Variants in RPP30 observed in about 807,000 individuals in gnomAD.
RPP30 encodes the protein ribonuclease P/MRP subunit p30.
A neutral mutation model predicts 38.6 loss-of-function variants in RPP30; 36 were observed. The ratio of observed to expected loss-of-function variants is 0.93; its 90% CI spans 0.71 to 1.23. RPP30 has a LOEUF of 1.23. Ranked by LOEUF, RPP30 falls within the 50% of genes most tolerant of loss-of-function variation. The probability of loss-of-function intolerance (pLI) is 0.00; values close to 1 mark genes in which losing one functional copy is unlikely to be tolerated. For synonymous variants in RPP30, 126 were observed against 112.7 expected (o/e 1.12, Z -0.75); for missense variants, 321 against 321.7 (o/e 1.00, Z 0.02).
Position 90,900,845 on chromosome 10 carries a change from C to T in RPP30, c.*166C>T, listed in dbSNP as rs1031127593. ...AATCCATTAAAACAACAAACGAAAC[C>T]TAGTGAAGCATCTTTTTAAAAGGCT... On this transcript the variant is annotated 3_prime_UTR_variant, in exon 11 of 11. Coordinates refer to ENST00000371703, the MANE Select transcript of RPP30 (RefSeq NM_006413.5). 13 of 1,303,654 alleles carry T rather than the reference C, an allele frequency of 1.0e-5. No individual in the cohort carries two copies. Among genetic ancestry groups the T allele is most frequent in the Non-Finnish European group, 1.3e-5 (13 of 1,027,946 alleles). 80.8% of individuals were successfully genotyped at this position (1,303,654 alleles called of 1,614,324 possible).
intron 7 of RPP30, 52 bp from the exon 8 acceptor site, chr10:90,895,402 T>C (rs1847128421): frequency 9.5e-7 from 1 of 1,048,948 alleles, no homozygotes; most frequent in Admixed American, 2.7e-5. Flanking sequence ...ATTATGAAAC[T>C]CCTTTTTTTA....
rs761833727 is a variant in RPP30 at position 90,876,008 on chromosome 10, T to C, written c.196-16T>C. On this transcript the variant is annotated splice_polypyrimidine_tract_variant and intron_variant, in intron 3 of 10. Coordinates refer to ENST00000371703, the MANE Select transcript of RPP30 (RefSeq NM_006413.5). Reference sequence around the variant, plus strand: ...TGTCTTTTGTGCTTTTTTGACATCATGTCTTTTTTAAATAGGGAAAATCAA... The same window carrying C: ...TGTCTTTTGTGCTTTTTTGACATCACGTCTTTTTTAAATAGGGAAAATCAA... The C allele has an allele frequency of 3.7e-6, 5 of 1,365,604 alleles. No individual in the cohort carries two copies. Among genetic ancestry groups the C allele is most frequent in the Non-Finnish European group, 5.2e-6 (5 of 956,074 alleles). The allele number at this position is 1,365,604 out of a possible 1,614,324, so 84.6% of individuals were successfully genotyped here.
At chr10:90,874,838 T>G (rs1002660025) in intron 1 of RPP30, 31 bp from the exon 2 acceptor site, 2 of 1,528,126 alleles carry the variant, frequency 1.3e-6, no homozygotes, top group African/African-American at 2.7e-5. Context: ...GTTGTTATAT[T>G]TAACAAAAGT....
chr10:90,895,960 G>T, intron 9 of RPP30, 43 bp downstream of exon 9: 1 of 1,497,360 alleles, frequency 6.7e-7, no homozygotes, highest in Non-Finnish European at 9.2e-7. Flanking sequence ...TGTCTTTCAG[G>T]AAATTTTGAA....
chr10:90,885,405 A>T (rs1476245107), intron 5 of RPP30, among the ~76,000 whole-genome samples: 1 of 152,230 alleles, frequency 6.6e-6, no homozygotes, highest in Non-Finnish European at 1.5e-5. Flanking sequence ...AGTGTGTGGG[A>T]TAAATGGACT....
In RPP30 at chr10:90,900,463, A is replaced by G. The variant is rs976788258; in HGVS notation, c.698-107A>G. 1.4e-5 allele frequency: 16 copies of G among 1,108,580 alleles called. No homozygotes were observed. In the South Asian group the frequency reaches 2.8e-4, roughly 19 times the overall value. 68.7% of individuals were successfully genotyped at this position (1,108,580 alleles called of 1,614,324 possible). On this transcript the variant is annotated intron_variant, in intron 10 of 10. Transcript: ENST00000371703. ...GCACTAGCAGCCATAGCAGTTCATTATGGCTTATCATTTGCTATTGCTGTA... is the reference window on the plus strand; with the variant it reads ...GCACTAGCAGCCATAGCAGTTCATTGTGGCTTATCATTTGCTATTGCTGTA...
intron 6 of RPP30, among the ~76,000 whole-genome samples, chr10:90,887,070 T>C (rs901573621): frequency 6.6e-6 from 1 of 152,040 alleles, no homozygotes; most frequent in Non-Finnish European, 1.5e-5. Context: ...TGGGATCAAG[T>C]GATCCTCCTA....
intron 3 of RPP30, among the ~76,000 whole-genome samples, 159 bp downstream of exon 3, chr10:90,875,773 C>G (rs936671887): frequency 6.6e-6 from 1 of 152,178 alleles, no homozygotes; most frequent in African/African-American, 2.4e-5. Context: ...CTTTTACTAT[C>G]AATTCAGCAT....
intron 6 of RPP30, among the ~76,000 whole-genome samples, chr10:90,890,042 G>C (rs958156424): frequency 1.8e-4 from 27 of 152,318 alleles, no homozygotes; most frequent in Middle Eastern, 3.4e-3. Flanking sequence ...GGATGGGGTA[G>C]ATGTTAATTA....
rs779867731 is a variant in RPP30 at position 90,895,860 on chromosome 10, CTT to C, written c.580-18_580-17del. 1.0e-5 allele frequency: 16 copies of C among 1,566,784 alleles called. No homozygotes were observed. Among genetic ancestry groups the C allele is most frequent in the Non-Finnish European group, 1.4e-5 (16 of 1,146,126 alleles). ...TATAAATAATTTTCTCATATCTACT[CTT>C]TGTTCATTTTATTTCAGCCTTTAGA... On this transcript the variant is annotated intron_variant, in intron 8 of 10. Coordinates refer to ENST00000371703, the MANE Select transcript of RPP30 (RefSeq NM_006413.5).
chr10:90,878,257 T>C (rs76559746), intron 4 of RPP30, among the ~76,000 whole-genome samples: 2,816 of 152,296 alleles, frequency 0.018, 42 homozygotes, highest in Non-Finnish European at 0.025. Flanking sequence ...CCCTCTTACC[T>C]GCTCAAGCAC....
At position 90,900,694 on chromosome 10, in the gene RPP30, T is replaced by A; in HGVS notation, c.*15T>A. On this transcript the variant is annotated 3_prime_UTR_variant, in exon 11 of 11. Transcript: ENST00000371703. ...GTGAGGGCTGAAAAGAATGCCCCAG[T>A]CTCTGTCAGCACTCCCTTCTTCCCT... is the stretch of plus-strand genomic sequence containing the variant. 6.2e-7 allele frequency: 1 copy of A among 1,610,554 alleles called. No individual in the cohort carries two copies. Among genetic ancestry groups the A allele is most frequent in the Non-Finnish European group, 8.5e-7 (1 of 1,178,632 alleles).
intron 5 of RPP30, 58 bp from the exon 6 acceptor site, chr10:90,885,754 C>A: frequency 9.7e-7 from 1 of 1,033,748 alleles, no homozygotes; most frequent in Non-Finnish European, 1.5e-6. Flanking sequence ...ACCCTATCTC[C>A]CATTCTTACT....
chr10:90,888,290 T>C (rs1485018899), intron 6 of RPP30, among the ~76,000 whole-genome samples: 1 of 152,218 alleles, frequency 6.6e-6, no homozygotes, highest in Non-Finnish European at 1.5e-5. Flanking sequence ...TAGCATGTGA[T>C]GTTAAGGCCA....
chr10:90,879,129 T>C lies in RPP30; in HGVS notation c.337T>C (p.Phe113Leu). Residue 113 changes from phenylalanine (F) to leucine (L), a missense_variant, in exon 5 of 11, where the codon TTT (phenylalanine) becomes CTT (leucine). By Grantham distance (22) the Phe-to-Leu change is conservative. Coordinates refer to ENST00000371703, the MANE Select transcript of RPP30 (RefSeq NM_006413.5). Reference protein sequence around the residue: ...VAVFPKTEKLFHIACTHLDVD... With the variant: ...VAVFPKTEKLLHIACTHLDVD... ...AGTTTTTCCAAAGACAGAAAAGCTT[T>C]TTCATGTGAGTAACAGATAAGTAAA... The C allele has an allele frequency of 6.2e-7, 1 of 1,613,282 alleles. No individual in the cohort carries two copies. Among genetic ancestry groups the C allele is most frequent in the Non-Finnish European group, 8.5e-7 (1 of 1,179,290 alleles).
chr10:90,897,990 T>C (rs1279173991), intron 10 of RPP30, among the ~76,000 whole-genome samples: 1 of 152,230 alleles, frequency 6.6e-6, no homozygotes, highest in Non-Finnish European at 1.5e-5. Context: ...GTATTGACTA[T>C]GGTCACCCTC....
At chr10:90,888,550 G>A (rs1847032166) in intron 6 of RPP30, among the ~76,000 whole-genome samples, 1 of 152,140 alleles carries the variant, frequency 6.6e-6, no homozygotes, top group African/African-American at 2.4e-5. Context: ...GTTGAACTTA[G>A]CATATCAGGG....
At position 90,902,080 on chromosome 10, in the gene RPP30, A is replaced by G; in HGVS notation, c.*1401A>G. ...CCAAAGTGCTGGGATTACAGGCGTT[A>G]GCCACTGCGCCCGGCCCGAGAAAAT... On this transcript the variant is annotated 3_prime_UTR_variant, in exon 11 of 11. Coordinates refer to ENST00000371703, the MANE Select transcript of RPP30 (RefSeq NM_006413.5). 1 of 983,694 alleles carries G rather than the reference A, an allele frequency of 1.0e-6. No individual in the cohort carries two copies. Among genetic ancestry groups the G allele is most frequent in the Non-Finnish European group, 1.2e-6 (1 of 826,740 alleles). The allele number at this position is 983,694 out of a possible 1,614,324, so 60.9% of individuals were successfully genotyped here.
chr10:90,879,585 T>G (rs1846897047), intron 5 of RPP30, among the ~76,000 whole-genome samples: 1 of 152,246 alleles, frequency 6.6e-6, no homozygotes, highest in Non-Finnish European at 1.5e-5. Flanking sequence ...ATAGCCCATA[T>G]GCCAGCATGA....
Sources: allele counts gnomAD v4.1 joint callset (sites outside exome capture counted in the v4.1 genomes callset), GRCh38; gene constraint gnomAD v4.1.1; transcripts MANE v1.5; gene names NCBI Gene and HGNC (gene_info 2026-07-23, HGNC 2026-07-21).